The following PDLIM3 variants were observed in gnomAD, a reference collection of about 807,000 sequenced individuals.
PDLIM3 encodes PDZ and LIM domain protein 3.
A neutral mutation model predicts 37.3 loss-of-function variants in PDLIM3; 36 were observed. That is an observed-to-expected ratio of 0.97 (90% CI 0.74 to 1.28). The LOEUF (loss-of-function observed/expected upper bound fraction) is 1.28, where lower values mean the gene tolerates loss of function less well. Ranked by LOEUF, PDLIM3 falls within the 50% of genes most tolerant of loss-of-function variation. PDLIM3 has a pLI of 0.00. For missense variants in PDLIM3, 454 were observed against 485.0 expected, an observed-to-expected ratio of 0.94 and a Z score of 0.60; for synonymous variants, 174 against 182.4, an observed-to-expected ratio of 0.95 and a Z score of 0.37.
intron 3 of PDLIM3, among the ~76,000 whole-genome samples, chr4:185,522,875 AG>A (rs1361372117): frequency 2.0e-4 from 5 of 25,498 alleles, no homozygotes; most frequent in African/African-American, 2.3e-4. Flanking sequence ...CTCTTTTCTT[AG>A]AGTAAATTTA....
intron 3 of PDLIM3, chr4:185,516,932 T>C (rs1393376033): frequency 6.6e-6 from 1 of 152,254 alleles, no homozygotes; most frequent in Non-Finnish European, 1.5e-5. Context: ...ACTTTTTTCC[T>C]TCATAATAAT....
intron 3 of PDLIM3, among the ~76,000 whole-genome samples, chr4:185,520,900 C>A (rs1365373028): frequency 1.5e-5 from 1 of 65,636 alleles, no homozygotes; most frequent in African/African-American, 2.8e-5. Flanking sequence ...GAAATTCTTG[C>A]ATGGAAAAAT....
intron 1 of PDLIM3, among the ~76,000 whole-genome samples, chr4:185,528,071 A>AAAC (rs75867419): frequency 5.0e-4 from 75 of 151,266 alleles, no homozygotes; most frequent in African/African-American, 1.8e-3. Flanking sequence ...AAAACAAAAC[A>AAAC]AAACAAACAA....
chr4:185,514,413 T>C lies in PDLIM3; in HGVS notation c.331-76A>G. 1 of 1,613,644 alleles carries C rather than the reference T, an allele frequency of 6.2e-7. No homozygotes were observed. Among genetic ancestry groups the C allele is most frequent in the South Asian group, 1.1e-5 (1 of 90,904 alleles). On this transcript the variant is annotated intron_variant, in intron 3 of 7. Coordinates refer to ENST00000284767, the MANE Select transcript of PDLIM3 (RefSeq NM_014476.6). This position sits in a 1 kb window ranked among gnomAD's most constrained non-coding sequence, Gnocchi z 4.0. ...GCAGATAAGATTAAACGAACGATAG[T>C]TGTACAGGGAGGATCATTTACCACC... is the stretch of plus-strand genomic sequence containing the variant.
At chr4:185,533,118 G>A (rs1269597002) in intron 1 of PDLIM3, among the ~76,000 whole-genome samples, 1 of 152,096 alleles carries the variant, frequency 6.6e-6, no homozygotes, top group Non-Finnish European at 1.5e-5. Context: ...TGTCACTACT[G>A]CTACTCTCCT....
chr4:185,513,969 C>T (rs1218989482), intron 4 of PDLIM3: 10 of 1,259,182 alleles, frequency 7.9e-6, no homozygotes, highest in Non-Finnish European at 1.0e-5. Context: ...ACTGACTGCC[C>T]GACTCAAAGG....
intron 2 of PDLIM3, 62 bp downstream of exon 2, chr4:185,524,958 A>C: frequency 6.5e-7 from 1 of 1,539,728 alleles, no homozygotes; most frequent in Non-Finnish European, 9.0e-7. Flanking sequence ...AGTTATTTAT[A>C]GTTCTGGTTC....
chr4:185,523,624 CT>C (rs35844944), intron 2 of PDLIM3, among the ~76,000 whole-genome samples, 178 bp from the exon 3 acceptor site: 81 of 119,726 alleles, frequency 6.8e-4, no homozygotes, highest in East Asian at 5.3e-3. Flanking sequence ...TTCCCCCCCC[CT>C]TTTTTTTTCT....
At chr4:185,529,874 C>T (rs1371893736) in intron 1 of PDLIM3, among the ~76,000 whole-genome samples, 5 of 152,268 alleles carry the variant, frequency 3.3e-5, no homozygotes, top group East Asian at 3.9e-4. Flanking sequence ...CATCTGGGTC[C>T]GCCTCGCTCT....
chr4:185,506,571 G>T lies in PDLIM3; in HGVS notation c.744C>A (p.Arg248=). The change falls in exon 6 of 8, where the codon CGC becomes CGA. Residue 248 remains arginine, a synonymous_variant. Transcript: ENST00000284767. Reference sequence around the variant, plus strand: ...GGAGCACTCTGAAGGAGCCCGACTGGCGAGGCTGTGTGGGCTCATTCCGAT... The same window carrying T: ...GGAGCACTCTGAAGGAGCCCGACTGTCGAGGCTGTGTGGGCTCATTCCGAT... ...HDNRNEPTQP[R]QSGSFRVLQG... 1.2e-6 allele frequency: 2 copies of T among 1,613,328 alleles called. No homozygotes were observed. Among genetic ancestry groups the T allele is most frequent in the South Asian group, 2.2e-5 (2 of 91,078 alleles).
chr4:185,502,066 C>T lies in PDLIM3; in HGVS notation c.*228G>A, dbSNP rs2095687854. On this transcript the variant is annotated 3_prime_UTR_variant, in exon 8 of 8. Coordinates refer to ENST00000284767, the MANE Select transcript of PDLIM3 (RefSeq NM_014476.6). The stretch of plus-strand genomic sequence containing the variant: ...ATTATTGCTTTAAATATCATTATTG[C>T]TAGCCCCAAAAAGAGTTGCAAAACA... 3.5e-6 allele frequency: 2 copies of T among 576,576 alleles called. No individual in the cohort carries two copies. The highest frequency in any genetic ancestry group is 3.0e-5 in the East Asian group (1 of 33,672). The allele number at this position is 576,576 out of a possible 1,614,324, so 35.7% of individuals were successfully genotyped here.
At position 185,514,002 on chromosome 4, in the gene PDLIM3, C is replaced by T; in HGVS notation, c.398+268G>A. ...AGGTCACAGTGTTCTGGATGGGATC[C>T]CCAGAGCCTCAGGGGTGTTCGCTAT... is the stretch of plus-strand genomic sequence containing the variant. On this transcript the variant is annotated intron_variant, in intron 4 of 7. Coordinates refer to ENST00000284767, the MANE Select transcript of PDLIM3 (RefSeq NM_014476.6). This position sits in a 1 kb window ranked among gnomAD's most constrained non-coding sequence, Gnocchi z 4.0. 2.3e-6 allele frequency: 3 copies of T among 1,319,038 alleles called. No individual in the cohort carries two copies. Among genetic ancestry groups the T allele is most frequent in the Non-Finnish European group, 2.9e-6 (3 of 1,027,550 alleles). The allele number at this position is 1,319,038 out of a possible 1,614,324, so 81.7% of individuals were successfully genotyped here.
chr4:185,508,903 A>C (rs997663737), intron 4 of PDLIM3, among the ~76,000 whole-genome samples: 3 of 152,238 alleles, frequency 2.0e-5, no homozygotes, highest in African/African-American at 7.2e-5. Context: ...CACTTTTTAA[A>C]AATAGGCCAA....
chr4:185,525,134 C>A lies in PDLIM3; in HGVS notation c.131G>T (p.Cys44Phe). Residue 44 changes from cysteine to phenylalanine, a missense_variant, in exon 2 of 8, where the codon TGT (cysteine) becomes TTT (phenylalanine). Physicochemically the swap from Cys to Phe is radical, Grantham distance 205. Transcript: ENST00000284767. ...PGSKAAAANL[C>F]PGDVILAIDG... Reference sequence around the variant, plus strand: ...AATAGCCAGGATGACATCTCCAGGACACAGGTTGGCAGCTGCCGCCTTGCT... The same window carrying A: ...AATAGCCAGGATGACATCTCCAGGAAACAGGTTGGCAGCTGCCGCCTTGCT... 6.2e-7 allele frequency: 1 copy of A among 1,614,182 alleles called. No homozygotes were observed. The highest frequency in any genetic ancestry group is 8.5e-7 in the Non-Finnish European group (1 of 1,180,006).
At chr4:185,531,597 C>G (rs1254706049) in intron 1 of PDLIM3, among the ~76,000 whole-genome samples, 1 of 152,132 alleles carries the variant, frequency 6.6e-6, no homozygotes, top group African/African-American at 2.4e-5. Context: ...CCTACAAACT[C>G]TGGTTGGAGC....
At chr4:185,520,436 T>TA (rs375591582) in intron 3 of PDLIM3, among the ~76,000 whole-genome samples, 28 of 36,072 alleles carry the variant, frequency 7.8e-4, no homozygotes, top group Admixed American at 2.0e-3. Flanking sequence ...TCTCAACCTT[T>TA]AAAAAAAAAA....
chr4:185,524,033 A>G (rs2095728254), intron 2 of PDLIM3, among the ~76,000 whole-genome samples: 1 of 151,426 alleles, frequency 6.6e-6, no homozygotes. Context: ...GAAACAGGAG[A>G]GGGAGACTCT....
chr4:185,517,110 G>A (rs2095716149), intron 3 of PDLIM3: 1 of 152,198 alleles, frequency 6.6e-6, no homozygotes, highest in South Asian at 2.1e-4. Context: ...TGATTTATTA[G>A]TGAATTTGGA....
chr4:185,519,062 A>G (rs963161165), intron 3 of PDLIM3, among the ~76,000 whole-genome samples: 1 of 152,114 alleles, frequency 6.6e-6, no homozygotes, highest in Non-Finnish European at 1.5e-5. Context: ...TCATTAACAT[A>G]CTCTTAGTCA....
Sources: gnomAD v4.1 joint callset for allele counts (sites outside exome capture counted in the v4.1 genomes callset) on GRCh38, gnomAD v4.1.1 for gene constraint, Gnocchi (gnomAD v3.1) non-coding constraint, MANE v1.5 for transcripts, NCBI Gene and HGNC (gene_info 2026-07-23, HGNC 2026-07-21) for gene names.